PCDHGB4: variants seen among roughly 807,000 people sequenced by gnomAD.
PCDHGB4 encodes the protein protocadherin gamma subfamily B, 4.
In PCDHGB4, 38 loss-of-function variants were observed where a neutral mutation model predicts 60.5. The ratio of observed to expected loss-of-function variants is 0.63; its 90% CI spans 0.48 to 0.82. The LOEUF is 0.82. PCDHGB4 is among the 40% of genes least tolerant of loss of function. The probability of loss-of-function intolerance (pLI) is 0.00; values close to 1 mark genes in which losing one functional copy is unlikely to be tolerated. For missense variants in PCDHGB4, 1,109 were observed against 1,209.6 expected (o/e 0.92, Z 1.23); for synonymous variants, 456 against 509.7 (o/e 0.89, Z 1.42).
rs1036223789 is a variant in PCDHGB4, at chr5:141,511,298, G to C, written c.*125G>C. 49 of 1,502,412 alleles carry C rather than the reference G, an allele frequency of 3.3e-5. No homozygotes were observed. The African/African-American group carries it at 6.7e-4, about 20-fold the overall frequency. 93.1% of individuals were successfully genotyped at this position (1,502,412 alleles called of 1,614,324 possible). A position where few individuals can be genotyped will look rare whatever the true frequency, so the allele number is the denominator to read the frequency against. The stretch of plus-strand genomic sequence containing the variant: ...GAATACTGGTAGGGGCCAAGGCCAT[G>C]CTCCCCTTGGGAAACAGAAACAAGT... On this transcript the variant is annotated 3_prime_UTR_variant, in exon 4 of 4. Coordinates refer to ENST00000519479, the MANE Select transcript of PCDHGB4 (RefSeq NM_003736.4).
At chr5:141,392,763 A>G in intron 1 of PCDHGB4, 4 of 1,480,256 alleles carry the variant, frequency 2.7e-6, no homozygotes, top group Non-Finnish European at 3.6e-6. Context: ...ACTAAATAAG[A>G]CCCATTTATG....
rs371245499 is a variant in PCDHGB4 at position 141,399,811 on chromosome 5, G to T, written c.2397+9530G>T. 1.0e-4 allele frequency: 169 copies of T among 1,613,100 alleles called. No homozygotes were observed. The highest frequency in any genetic ancestry group is 1.4e-4 in the Non-Finnish European group (163 of 1,179,762). ...CAACGCACCGCGGGTGCTGTACCCC[G>T]CGCTGGGTCCCGACGGCTCTGCGCT... On this transcript the variant is annotated intron_variant, in intron 1 of 3. Coordinates refer to ENST00000519479, the MANE Select transcript of PCDHGB4 (RefSeq NM_003736.4).
intron 1 of PCDHGB4, chr5:141,424,630 A>G (rs1440031596): frequency 1.3e-5 from 2 of 152,366 alleles, no homozygotes; most frequent in East Asian, 3.9e-4. Flanking sequence ...TTGTGAATAT[A>G]TAAATAGATT....
At chr5:141,426,879 G>C (rs1222564201) in intron 1 of PCDHGB4, 3 of 456,710 alleles carry the variant, frequency 6.6e-6, no homozygotes, top group Non-Finnish European at 1.3e-5. Context: ...GAAGCCCCTG[G>C]GCCAGGAGCA....
chr5:141,430,485 G>T (rs926788879), intron 1 of PCDHGB4: 2 of 252,972 alleles, frequency 7.9e-6, no homozygotes, highest in Non-Finnish European at 7.4e-6. Flanking sequence ...ATATAAAAAC[G>T]AAATATCCTT....
intron 1 of PCDHGB4, chr5:141,409,208 G>A: frequency 6.2e-7 from 1 of 1,613,984 alleles, no homozygotes; most frequent in South Asian, 1.1e-5. Context: ...AGTAATCATA[G>A]AAATCCTTGA....
At chr5:141,467,097 G>A (rs912875702) in intron 1 of PCDHGB4, among the ~76,000 whole-genome samples, 1 of 150,152 alleles carries the variant, frequency 6.7e-6, no homozygotes, top group Non-Finnish European at 1.5e-5. Context: ...CTGTCACACA[G>A]GCTGGAGTAC....
At chr5:141,418,904 A>C (rs2096300166) in intron 1 of PCDHGB4, 1 of 1,613,998 alleles carries the variant, frequency 6.2e-7, no homozygotes, top group Admixed American at 1.7e-5. Context: ...AGAAATAATC[A>C]TCACGTCACT....
intron 1 of PCDHGB4, chr5:141,392,842 G>A: frequency 6.2e-7 from 1 of 1,609,312 alleles, no homozygotes. Flanking sequence ...CGCCCCAGAC[G>A]CGGCGAGCTG....
chr5:141,419,085 C>T (rs759272094), intron 1 of PCDHGB4: 1 of 1,613,936 alleles, frequency 6.2e-7, no homozygotes, highest in Non-Finnish European at 8.5e-7. Flanking sequence ...ACAGATGAGG[C>T]CCTGGATCGG....
chr5:141,406,415 GC>G (rs2094806009), intron 1 of PCDHGB4, among the ~76,000 whole-genome samples: 1 of 152,164 alleles, frequency 6.6e-6, no homozygotes, highest in Non-Finnish European at 1.5e-5. Flanking sequence ...ACAGCTGAAA[GC>G]CCAGATTTAT....
chr5:141,432,266 T>G lies in PCDHGB4; in HGVS notation c.2397+41985T>G. ...CACCATCCAAGGGGCAAGCCTATCG[T>G]CCTACGTGTCCATCAACTCCGACAC... On this transcript the variant is annotated intron_variant, in intron 1 of 3. Transcript: ENST00000519479. This position sits in a 1 kb window ranked among gnomAD's most constrained non-coding sequence, Gnocchi z 6.0. The G allele has an allele frequency of 6.2e-7, 1 of 1,614,214 alleles. No individual in the cohort carries two copies. Among genetic ancestry groups the G allele is most frequent in the East Asian group, 2.2e-5 (1 of 44,880 alleles).
intron 1 of PCDHGB4, chr5:141,441,801 G>A (rs954094882): frequency 7.8e-6 from 3 of 384,492 alleles, no homozygotes; most frequent in African/African-American, 4.4e-5. Flanking sequence ...CGCACCGCGG[G>A]TGCTGTACCC....
rs530261329 is a variant in PCDHGB4, at chr5:141,440,076, A to G, written c.2397+49795A>G. 2.4e-4 allele frequency: 37 copies of G among 152,560 alleles called. No individual in the cohort carries two copies. In the South Asian group the frequency reaches 3.7e-3, roughly 15 times the overall value. The allele number at this position is 152,560 out of a possible 1,614,324, so 9.5% of individuals were successfully genotyped here. On this transcript the variant is annotated intron_variant, in intron 1 of 3. Coordinates refer to ENST00000519479, the MANE Select transcript of PCDHGB4 (RefSeq NM_003736.4). Reference sequence around the variant, plus strand: ...CTTCGGGTTAATGCTGAGGAATAATACTTCATTCTAAGTGGGGAAAGTGGA... The same window carrying G: ...CTTCGGGTTAATGCTGAGGAATAATGCTTCATTCTAAGTGGGGAAAGTGGA...
intron 1 of PCDHGB4, chr5:141,400,237 A>C (rs1375797222): frequency 3.7e-6 from 6 of 1,613,750 alleles, no homozygotes; most frequent in African/African-American, 1.3e-5. Flanking sequence ...CCTGGCCGTG[A>C]TTCTGGCCGT....
Position 141,477,707 on chromosome 5 carries a change from C to T in PCDHGB4, c.2398-17100C>T. ...AGTGCCCCTAGACTATGAGGATCGG[C>T]GGGAATTTGAATTAACAGCTCATAT... On this transcript the variant is annotated intron_variant, in intron 1 of 3. Transcript: ENST00000519479. The surrounding 1 kb of genome is among the most constrained non-coding windows in gnomAD (Gnocchi z 4.9). 6.2e-7 allele frequency: 1 copy of T among 1,613,952 alleles called. No individual in the cohort carries two copies. Among genetic ancestry groups the T allele is most frequent in the South Asian group, 1.1e-5 (1 of 91,086 alleles).
Position 141,486,178 on chromosome 5 carries a change from C to A in PCDHGB4, c.2398-8629C>A, listed in dbSNP as rs767840363. On this transcript the variant is annotated intron_variant, in intron 1 of 3. Transcript: ENST00000519479. This position sits in a 1 kb window ranked among gnomAD's most constrained non-coding sequence, Gnocchi z 5.0. ...CTCCAGCCATGGAGCAACATTGCAG[C>A]CTTCGAGTGGATCTGCTGGACGTAA... 1.2e-6 allele frequency: 2 copies of A among 1,614,194 alleles called. No homozygotes were observed. The highest frequency in any genetic ancestry group is 2.2e-5 in the East Asian group (1 of 44,882).
chr5:141,446,458 G>A (rs2098502933), intron 1 of PCDHGB4, among the ~76,000 whole-genome samples: 1 of 151,662 alleles, frequency 6.6e-6, no homozygotes, highest in African/African-American at 2.4e-5. Flanking sequence ...TATTCAGTGT[G>A]TGATTAGACA....
intron 1 of PCDHGB4, chr5:141,439,900 A>G (rs562278732): frequency 6.6e-5 from 10 of 152,362 alleles, no homozygotes; most frequent in African/African-American, 2.2e-4. Flanking sequence ...CAAGGCGACT[A>G]CTGCCTCCTT....
Sources: gnomAD v4.1 joint callset for allele counts (sites outside exome capture counted in the v4.1 genomes callset) on GRCh38, gnomAD v4.1.1 for gene constraint, Gnocchi (gnomAD v3.1) non-coding constraint, MANE v1.5 for transcripts, NCBI Gene and HGNC (gene_info 2026-07-23, HGNC 2026-07-21) for gene names.